PTPN2: variants seen among roughly 807,000 people sequenced by gnomAD.
PTPN2 encodes the protein tyrosine-protein phosphatase non-receptor type 2.
PTPN2 carries 19 observed loss-of-function variants against 57.3 expected under a neutral mutation model. The observed-to-expected ratio is 0.33, with a 90% confidence interval of 0.23 to 0.49. The LOEUF is 0.49. Among genes scored for constraint, PTPN2 ranks in the 20% least tolerant of loss-of-function variants. PTPN2 has a pLI of 0.99. For synonymous variants in PTPN2, 153 were observed against 164.9 expected (o/e 0.93, Z 0.55); for missense variants, 358 against 501.1 (o/e 0.71, Z 2.73).
At chr18:12,795,711 G>A (rs2041153193) in intron 8 of PTPN2, among the ~76,000 whole-genome samples, 1 of 152,140 alleles carries the variant, frequency 6.6e-6, no homozygotes. Context: ...AGGAATTCAA[G>A]TCCAGCTTGT....
chr18:12,840,380 C>A (rs1267695281), intron 2 of PTPN2, among the ~76,000 whole-genome samples: 1 of 152,200 alleles, frequency 6.6e-6, no homozygotes, highest in East Asian at 1.9e-4. Context: ...ACCATATACT[C>A]CCCCATATTA....
chr18:12,814,756 C>T (rs1325379642), intron 6 of PTPN2, among the ~76,000 whole-genome samples: 1 of 151,910 alleles, frequency 6.6e-6, no homozygotes. Context: ...TTCATGTCTG[C>T]ACTACAGACA....
intron 2 of PTPN2, among the ~76,000 whole-genome samples, chr18:12,849,704 C>T (rs554366146): frequency 6.6e-6 from 1 of 152,228 alleles, no homozygotes; most frequent in South Asian, 2.1e-4. Flanking sequence ...AGGATTTCTA[C>T]ATCTATATTC....
At chr18:12,823,803 TAAG>T (rs1165701655) in intron 5 of PTPN2, among the ~76,000 whole-genome samples, 3 of 152,172 alleles carry the variant, frequency 2.0e-5, no homozygotes, top group Non-Finnish European at 2.9e-5. Context: ...ACGGGGATAA[TAAG>T]AATATTTACA....
At chr18:12,817,998 C>T (rs1034066507) in intron 5 of PTPN2, among the ~76,000 whole-genome samples, 5 of 152,078 alleles carry the variant, frequency 3.3e-5, no homozygotes, top group African/African-American at 1.2e-4. Context: ...AAAAATTAGC[C>T]AGGCGTGGTG....
intron 2 of PTPN2, among the ~76,000 whole-genome samples, chr18:12,842,785 G>A (rs1050958420): frequency 2.0e-5 from 3 of 152,102 alleles, no homozygotes; most frequent in African/African-American, 7.2e-5. Context: ...TTTTCTCAGC[G>A]GGCCTACCTA....
rs887512976 is a variant in PTPN2 at position 12,819,236 on chromosome 18, A to G, written c.496-1871T>C. 19 of 1,454,782 alleles carry G rather than the reference A, an allele frequency of 1.3e-5. No homozygotes were observed. The East Asian group carries it at 4.6e-4, about 35-fold the overall frequency. 90.1% of individuals were successfully genotyped at this position (1,454,782 alleles called of 1,614,324 possible). A position where few individuals can be genotyped will look rare whatever the true frequency, so the allele number is the denominator to read the frequency against. ...TACTTTTAGTGACCTTTTAACATCC[A>G]GCATTAATAATTTCAAATACAGTGT... On this transcript the variant is annotated intron_variant, in intron 5 of 8. Transcript: ENST00000309660.
downstream of PTPN2, chr18:12,788,229 A>T (rs1412016392): frequency 1.3e-5 from 2 of 153,722 alleles, no homozygotes; most frequent in African/African-American, 4.8e-5. Context: ...TAAAGAAAAA[A>T]ATTCCTGTGC....
At chr18:12,826,353 A>C (rs1448420064) in intron 4 of PTPN2, among the ~76,000 whole-genome samples, 1 of 152,072 alleles carries the variant, frequency 6.6e-6, no homozygotes, top group Non-Finnish European at 1.5e-5. Context: ...CAGTGAGCCA[A>C]GATCATTCCA....
chr18:12,789,928 GGAGA>G (rs774954302), downstream of PTPN2, among the ~76,000 whole-genome samples: 6 of 151,160 alleles, frequency 4.0e-5, no homozygotes, highest in South Asian at 6.3e-4. Context: ...AGAGAGAGAG[GGAGA>G]GAGAGACAAA....
Position 12,813,802 on chromosome 18 carries a change from G to T in PTPN2, c.858+401C>A, listed in dbSNP as rs116082575. On this transcript the variant is annotated intron_variant, in intron 7 of 8. Coordinates refer to ENST00000309660, the MANE Select transcript of PTPN2 (RefSeq NM_002828.4). ...ACCAGAAGAATATAACATTTTGCTG[G>T]AATTTCATTATATCTGCCATAAATA... Among the ~76,000 whole-genome samples, 693 of 152,230 alleles carry T rather than the reference G, an allele frequency of 4.6e-3. 6 individuals are homozygous for T. Among genetic ancestry groups the T allele is most frequent in the African/African-American group, 0.016 (657 of 41,520 alleles).
chr18:12,838,277 C>T (rs768670269), intron 2 of PTPN2, among the ~76,000 whole-genome samples: 1 of 152,176 alleles, frequency 6.6e-6, no homozygotes, highest in African/African-American at 2.4e-5. Flanking sequence ...ATTTAGCTAA[C>T]ATGCGGTAGG....
At chr18:12,789,033 A>G (rs1444387283), downstream of PTPN2, among the ~76,000 whole-genome samples, 1 of 152,224 alleles carries the variant, frequency 6.6e-6, no homozygotes, top group Non-Finnish European at 1.5e-5. Flanking sequence ...CACAGAACAT[A>G]GCCACTGAGT....
chr18:12,861,365 T>C (rs1022028211), intron 1 of PTPN2, among the ~76,000 whole-genome samples: 1 of 152,170 alleles, frequency 6.6e-6, no homozygotes, highest in African/African-American at 2.4e-5. Flanking sequence ...ACCTGCTCTA[T>C]CATAAACCAA....
chr18:12,802,796 T>C (rs903709602), intron 7 of PTPN2, among the ~76,000 whole-genome samples: 4 of 152,234 alleles, frequency 2.6e-5, no homozygotes, highest in African/African-American at 9.6e-5. Context: ...ATGGAGTCTT[T>C]CCCAGACAAG....
At position 12,870,368 on chromosome 18, in the gene PTPN2, TATATAC is replaced by T. The variant is rs2044180805; in HGVS notation, c.70-11120_70-11115del. On this transcript the variant is annotated intron_variant, in intron 1 of 8. Transcript: ENST00000309660. ...ATATATATGTGTATATATATGTGTATATATACATATATATACGTATATATGTATATA... is the reference window on the plus strand; with the variant it reads ...ATATATATGTGTATATATATGTGTATATATATATACGTATATATGTATATA... Among the ~76,000 whole-genome samples the T allele has an allele frequency of 2.9e-5, 2 of 69,138 alleles. 1 individual carries two copies. Among genetic ancestry groups the T allele is most frequent in the East Asian group, 7.1e-4 (2 of 2,820 alleles). The allele number at this position is 69,138 out of a possible 152,430, so 45.4% of individuals were successfully genotyped here.
Position 12,794,342 on chromosome 18 carries a change from A to G in PTPN2, c.1184T>C (p.Met395Thr). 1.9e-6 allele frequency: 3 copies of G among 1,614,270 alleles called. No individual in the cohort carries two copies. Among genetic ancestry groups the G allele is most frequent in the South Asian group, 1.1e-5 (1 of 91,084 alleles). Residue 395 changes from methionine (M) to threonine (T), a missense_variant, in exon 9 of 9, where the codon ATG becomes ACG. Transcript: ENST00000309660. ...WQPILTKMGFMSVILVGAFVG... is the reference protein window; with the variant it reads ...WQPILTKMGFTSVILVGAFVG... ...AAAAGCGCCAACCAAAATGACTGAC[A>G]TAAACCCCATCTTAGTGAGAATAGG... is the stretch of plus-strand genomic sequence containing the variant.
chr18:12,811,390 A>G (rs1015873944), intron 7 of PTPN2, among the ~76,000 whole-genome samples: 4 of 152,192 alleles, frequency 2.6e-5, no homozygotes, highest in African/African-American at 7.2e-5. Flanking sequence ...ATGTCAACAA[A>G]TAAGATGACA....
At chr18:12,876,296 A>AAAGAAGAAGAAGAAGAAGAAGAAGAAG (rs71174150) in intron 1 of PTPN2, among the ~76,000 whole-genome samples, 7,950 of 145,090 alleles carry the variant, frequency 0.055, 278 homozygotes, top group African/African-American at 0.077. Flanking sequence ...ACAACAACAA[A>AAAGAAGAAGAAGAAGAAGAAGAAGAAG]AAGAAGAAGA....
Sources: allele counts gnomAD v4.1 joint callset (sites outside exome capture counted in the v4.1 genomes callset), GRCh38; gene constraint gnomAD v4.1.1; transcripts MANE v1.5; gene names NCBI Gene and HGNC (gene_info 2026-07-23, HGNC 2026-07-21).